Variants in RBMS3 observed in about 807,000 individuals in gnomAD.
RBMS3 encodes the protein RNA binding motif single stranded interacting protein 3, also known as RNA-binding motif, single-stranded-interacting protein 3.
RBMS3 carries 27 observed loss-of-function variants against 66.8 expected under a neutral mutation model. The ratio of observed to expected loss-of-function variants is 0.40; its 90% confidence interval spans 0.30 to 0.56. The LOEUF is 0.56. Among genes scored for constraint, RBMS3 ranks in the 20% least tolerant of loss-of-function variants. RBMS3 has a pLI of 0.40. For missense variants in RBMS3, 513 were observed against 549.5 expected, an observed-to-expected ratio of 0.93 and a Z score of 0.66; for synonymous variants, 188 against 183.0, an observed-to-expected ratio of 1.03 and a Z score of -0.22.
intron 3 of RBMS3, among the ~76,000 whole-genome samples, chr3:29,495,508 C>T (rs1320928086): frequency 6.6e-6 from 1 of 150,628 alleles, no homozygotes; most frequent in Non-Finnish European, 1.5e-5. Flanking sequence ...GTAACCTCCA[C>T]CTCCAGCAAT....
chr3:29,334,802 C>G (rs1000674608), intron 1 of RBMS3, among the ~76,000 whole-genome samples: 1 of 152,124 alleles, frequency 6.6e-6, no homozygotes, highest in African/African-American at 2.4e-5. Flanking sequence ...ACTTAATAAG[C>G]TCACCACATT....
At chr3:29,398,776 A>G (rs1045595573) in intron 1 of RBMS3, among the ~76,000 whole-genome samples, 2 of 152,188 alleles carry the variant, frequency 1.3e-5, no homozygotes, top group Admixed American at 1.3e-4. Flanking sequence ...CATGCCATGA[A>G]TAAAACTAAA....
chr3:29,876,484 T>C lies in RBMS3; in HGVS notation c.744+7520T>C, dbSNP rs141358876. On this transcript the variant is annotated intron_variant, in intron 7 of 14. Transcript: ENST00000383767. ...TATTAATTCATTTAGCTAACATTTA[T>C]AGAGCCTCTGCAATGTCCCAAACAC... Among the ~76,000 whole-genome samples the C allele has an allele frequency of 1.9e-3, 287 of 152,306 alleles. 1 individual carries two copies. The highest frequency in any genetic ancestry group is 0.016 in the East Asian group (81 of 5,176).
At chr3:29,637,341 C>T (rs960079000) in intron 4 of RBMS3, among the ~76,000 whole-genome samples, 3 of 151,758 alleles carry the variant, frequency 2.0e-5, no homozygotes, top group Admixed American at 6.6e-5. Context: ...TTGATATGCT[C>T]TACCCACCAC....
chr3:29,291,038 C>T (rs1486538155), intron 1 of RBMS3, among the ~76,000 whole-genome samples: 1 of 151,680 alleles, frequency 6.6e-6, no homozygotes, highest in Non-Finnish European at 1.5e-5. Flanking sequence ...AATATTCTTG[C>T]GAAGTGAAAA....
At chr3:29,349,219 C>A (rs1229913490) in intron 1 of RBMS3, among the ~76,000 whole-genome samples, 1 of 152,128 alleles carries the variant, frequency 6.6e-6, no homozygotes, top group African/African-American at 2.4e-5. Context: ...TCCTAAAATT[C>A]TCTCTGCAGG....
At chr3:29,834,664 C>T (rs1422383591) in intron 6 of RBMS3, among the ~76,000 whole-genome samples, 1 of 151,790 alleles carries the variant, frequency 6.6e-6, no homozygotes, top group Non-Finnish European at 1.5e-5. Context: ...TAAATCAAAG[C>T]GTACCACTAT....
At chr3:29,850,028 G>A (rs147160453) in intron 6 of RBMS3, among the ~76,000 whole-genome samples, 72 of 152,314 alleles carry the variant, frequency 4.7e-4, no homozygotes, top group African/African-American at 1.6e-3. Context: ...GTAGGCAGAC[G>A]TGAAGATTTG....
intron 11 of RBMS3, among the ~76,000 whole-genome samples, chr3:29,940,300 C>T (rs1320063345): frequency 6.6e-6 from 1 of 151,900 alleles, no homozygotes; most frequent in Non-Finnish European, 1.5e-5. Context: ...TCTCTCCTAA[C>T]TGAAACATTT....
chr3:29,715,472 C>T (rs13315068), intron 4 of RBMS3, among the ~76,000 whole-genome samples: 9,886 of 152,108 alleles, frequency 0.065, 490 homozygotes, highest in African/African-American at 0.13. Flanking sequence ...TCCAAATTTC[C>T]GCCTTCAATT....
chr3:29,361,347 CTTTTA>C (rs2037575686), intron 1 of RBMS3, among the ~76,000 whole-genome samples: 1 of 150,764 alleles, frequency 6.6e-6, no homozygotes, highest in African/African-American at 2.5e-5. Flanking sequence ...GTTGAAAATT[CTTTTA>C]TTTAAGAATG....
chr3:29,587,407 ACT>A (rs1467728396), intron 4 of RBMS3, among the ~76,000 whole-genome samples: 5 of 149,144 alleles, frequency 3.4e-5, no homozygotes, highest in Non-Finnish European at 7.4e-5. Flanking sequence ...AAAGTAAGAA[ACT>A]CCACATTAGG....
intron 4 of RBMS3, among the ~76,000 whole-genome samples, chr3:29,621,516 G>C (rs940100895): frequency 2.0e-5 from 3 of 152,134 alleles, no homozygotes; most frequent in Admixed American, 6.6e-5. Flanking sequence ...GTAAAAGATG[G>C]TTGTTATATC....
At chr3:29,590,144 T>C (rs572373815) in intron 4 of RBMS3, among the ~76,000 whole-genome samples, 1 of 152,126 alleles carries the variant, frequency 6.6e-6, no homozygotes, top group South Asian at 2.1e-4. Context: ...ATTCAGAATA[T>C]TTTAGTAATA....
intron 4 of RBMS3, among the ~76,000 whole-genome samples, chr3:29,718,864 A>G (rs1393134032): frequency 6.6e-6 from 1 of 152,176 alleles, no homozygotes; most frequent in Non-Finnish European, 1.5e-5. Flanking sequence ...GTATCCCTGG[A>G]TACATTTCCA....
chr3:29,301,609 G>C (rs556829217), intron 1 of RBMS3, among the ~76,000 whole-genome samples: 17 of 152,110 alleles, frequency 1.1e-4, no homozygotes, highest in African/African-American at 4.1e-4. Context: ...AGACAATTGG[G>C]CGTATTTTCT....
At chr3:29,370,830 AG>A (rs2038160766) in intron 1 of RBMS3, among the ~76,000 whole-genome samples, 1 of 152,194 alleles carries the variant, frequency 6.6e-6, no homozygotes, top group Non-Finnish European at 1.5e-5. Flanking sequence ...ATTAGAATTC[AG>A]TCTGGGCTGG....
At chr3:29,350,125 A>G (rs1292699614) in intron 1 of RBMS3, among the ~76,000 whole-genome samples, 1 of 149,140 alleles carries the variant, frequency 6.7e-6, no homozygotes, top group Non-Finnish European at 1.5e-5. Flanking sequence ...TCACCATTGC[A>G]CTCCAGCCTG....
intron 4 of RBMS3, among the ~76,000 whole-genome samples, chr3:29,668,604 G>A (rs2050864069): frequency 6.6e-6 from 1 of 152,202 alleles, no homozygotes; most frequent in Non-Finnish European, 1.5e-5. Flanking sequence ...AGCTGGAAAA[G>A]TGTTGTTTGC....
Sources: allele counts gnomAD v4.1 joint callset (sites outside exome capture counted in the v4.1 genomes callset), GRCh38; gene constraint gnomAD v4.1.1; transcripts MANE v1.5; gene names NCBI Gene and HGNC (gene_info 2026-07-23, HGNC 2026-07-21).